The following LPAR1 variants were observed in gnomAD, a reference collection of about 807,000 sequenced individuals.
LPAR1 encodes the protein LPA receptor 1.
In LPAR1, 5 loss-of-function variants were observed where a neutral mutation model predicts 23.8. The observed-to-expected ratio is 0.21, with a 90% CI of 0.11 to 0.44. The LOEUF is 0.44. Ranked by LOEUF, LPAR1 falls within the 20% of genes least tolerant of loss-of-function variation. The pLI is 0.99. For synonymous variants in LPAR1, 160 were observed against 164.7 expected, an observed-to-expected ratio of 0.97 and a Z score of 0.22; for missense variants, 311 against 482.8, an observed-to-expected ratio of 0.64 and a Z score of 3.33.
At chr9:111,023,797 T>C (rs1424053423) in intron 2 of LPAR1, among the ~76,000 whole-genome samples, 2 of 152,108 alleles carry the variant, frequency 1.3e-5, no homozygotes, top group Admixed American at 6.5e-5. Context: ...CAAATTATCA[T>C]AGGAAAAAAT....
At chr9:111,020,395 T>C (rs372217510) in intron 2 of LPAR1, among the ~76,000 whole-genome samples, 25 of 152,316 alleles carry the variant, frequency 1.6e-4, no homozygotes, top group Middle Eastern at 3.4e-3. Flanking sequence ...AGCTGGGACT[T>C]TGTCCCAAGG....
intron 4 of LPAR1, among the ~76,000 whole-genome samples, chr9:110,952,221 A>G (rs563124841): frequency 2.0e-5 from 3 of 152,290 alleles, no homozygotes; most frequent in Admixed American, 6.5e-5. Flanking sequence ...CAGCTCTTCG[A>G]TGTAGGGAAA....
intron 5 of LPAR1, among the ~76,000 whole-genome samples, chr9:110,924,233 A>G (rs1193030896): frequency 1.8e-5 from 1 of 56,422 alleles, no homozygotes; most frequent in East Asian, 5.3e-4. Context: ...ATGTTATTAT[A>G]ATAGCAAAAA....
chr9:110,887,003 A>G (rs1279320807), intron 5 of LPAR1, among the ~76,000 whole-genome samples: 1 of 152,194 alleles, frequency 6.6e-6, no homozygotes, highest in Non-Finnish European at 1.5e-5. Flanking sequence ...AAAGTTCAAC[A>G]TTAACAGGAA....
intron 2 of LPAR1, among the ~76,000 whole-genome samples, chr9:111,032,055 C>T (rs556551295): frequency 1.3e-5 from 2 of 152,254 alleles, no homozygotes; most frequent in Admixed American, 6.5e-5. Flanking sequence ...GCTATCTTCC[C>T]AGTACAGGGT....
chr9:111,019,185 C>T (rs886213480), intron 2 of LPAR1, among the ~76,000 whole-genome samples: 3 of 152,014 alleles, frequency 2.0e-5, no homozygotes, highest in African/African-American at 4.8e-5. Context: ...TAAGAATACA[C>T]TAAGGGCCAG....
intron 2 of LPAR1, among the ~76,000 whole-genome samples, chr9:110,977,846 G>GGGAAGGAAGGAAGGAA (rs1196226719): frequency 4.3e-4 from 32 of 75,238 alleles, no homozygotes; most frequent in East Asian, 2.4e-3. Context: ...GAAGGAAGGA[G>GGGAAGGAAGGAAGGAA]GGAAGGAAGG....
intron 5 of LPAR1, among the ~76,000 whole-genome samples, chr9:110,899,932 A>G (rs928615625): frequency 3.3e-5 from 5 of 152,300 alleles, no homozygotes; most frequent in African/African-American, 1.2e-4. Context: ...TGAAAATCAA[A>G]AATGTCTCCA....
intron 2 of LPAR1, among the ~76,000 whole-genome samples, chr9:110,995,112 T>A (rs1564285891): frequency 6.6e-6 from 1 of 152,156 alleles, no homozygotes; most frequent in Non-Finnish European, 1.5e-5. Flanking sequence ...ATGAGAAATG[T>A]GACGAGGTAC....
intron 4 of LPAR1, 117 bp downstream of exon 4, chr9:110,971,956 A>C (rs2096437683): frequency 3.4e-6 from 3 of 872,792 alleles, no homozygotes; most frequent in Non-Finnish European, 5.7e-6. Flanking sequence ...ATACACACCA[A>C]ATGATAGCGA....
intron 4 of LPAR1, among the ~76,000 whole-genome samples, chr9:110,971,186 T>C (rs184389471): frequency 5.3e-5 from 8 of 151,972 alleles, no homozygotes; most frequent in African/African-American, 1.4e-4. Context: ...TTGTCACAAA[T>C]AAGAAAGGAG....
chr9:110,988,925 T>C (rs919263829), intron 2 of LPAR1, among the ~76,000 whole-genome samples: 1 of 152,124 alleles, frequency 6.6e-6, no homozygotes, highest in Non-Finnish European at 1.5e-5. Flanking sequence ...AATATGGTAT[T>C]TTTAAACAAT....
chr9:110,912,217 T>C (rs1047699455), intron 5 of LPAR1, among the ~76,000 whole-genome samples: 11 of 152,208 alleles, frequency 7.2e-5, no homozygotes, highest in African/African-American at 2.4e-4. Context: ...TGACCACCCA[T>C]GTGGCCAGAT....
intron 2 of LPAR1, among the ~76,000 whole-genome samples, chr9:111,000,503 C>T (rs145252571): frequency 3.9e-4 from 60 of 152,288 alleles, no homozygotes; most frequent in Admixed American, 1.0e-3. Flanking sequence ...GTGCCAGCTG[C>T]TCACTTGCAC....
chr9:110,932,808 C>G (rs1330205055), intron 5 of LPAR1, among the ~76,000 whole-genome samples: 2 of 152,138 alleles, frequency 1.3e-5, no homozygotes, highest in Non-Finnish European at 2.9e-5. Flanking sequence ...ACATTTCATC[C>G]CTAAACCATC....
intron 2 of LPAR1, among the ~76,000 whole-genome samples, chr9:111,007,172 G>A (rs989046738): frequency 1.3e-5 from 2 of 152,030 alleles, no homozygotes; most frequent in African/African-American, 4.8e-5. Context: ...CAGAAGCCGA[G>A]CAGATGCCAG....
chr9:110,970,086 A>G (rs2096366866), intron 4 of LPAR1, among the ~76,000 whole-genome samples: 1 of 152,208 alleles, frequency 6.6e-6, no homozygotes, highest in South Asian at 2.1e-4. Flanking sequence ...AGTGTTAAAC[A>G]TTTTAATTAA....
intron 2 of LPAR1, among the ~76,000 whole-genome samples, chr9:111,034,392 A>C (rs576390895): frequency 5.9e-5 from 9 of 151,996 alleles, no homozygotes; most frequent in African/African-American, 2.2e-4. Flanking sequence ...CCCTTCCCTA[A>C]ACAAAAAAGA....
chr9:110,874,035 ACTGCC>A lies in LPAR1; in HGVS notation c.*1381_*1385del, dbSNP rs2078618610. 1 of 152,624 alleles carries A rather than the reference ACTGCC, an allele frequency of 6.6e-6. No individual in the cohort carries two copies. The highest frequency in any genetic ancestry group is 6.5e-5 in the Admixed American group (1 of 15,280). 9.5% of individuals were successfully genotyped at this position (152,624 alleles called of 1,614,324 possible). The stretch of plus-strand genomic sequence containing the variant: ...GTCATTTGACTGGCTTTTCCTCACA[ACTGCC>A]ACCCATGCAGTACAAAAGCAGGAAA... On this transcript the variant is annotated 3_prime_UTR_variant, in exon 6 of 6. Transcript: ENST00000683809.
Sources: gnomAD v4.1 joint callset for allele counts (sites outside exome capture counted in the v4.1 genomes callset) on GRCh38, gnomAD v4.1.1 for gene constraint, MANE v1.5 for transcripts, NCBI Gene and HGNC (gene_info 2026-07-23, HGNC 2026-07-21) for gene names.